CD177: variants seen among roughly 807,000 people sequenced by gnomAD.
CD177 encodes the protein CD177 molecule, also known as CD177 antigen.
CD177 carries 41 observed loss-of-function variants against 38.1 expected under a neutral mutation model. The observed-to-expected ratio is 1.07, with a 90% CI of 0.84 to 1.39. The LOEUF (loss-of-function observed/expected upper bound fraction) is 1.39. Ranked by LOEUF, CD177 falls within the 40% of genes most tolerant of loss-of-function variation. The pLI is 0.00. For missense variants in CD177, 619 were observed against 523.8 expected (o/e 1.18, Z -1.77); for synonymous variants, 236 against 216.7 (o/e 1.09, Z -0.78).
In CD177 at chr19:43,354,278, C is replaced by A. The variant is rs764719692; in HGVS notation, c.265C>A (p.His89Asn). Reference protein sequence around the residue: ...AKDQEPRVTEHRMGPGLSLIS... With the variant: ...AKDQEPRVTENRMGPGLSLIS... ...GGACCAGGAGCCCCGCGTCACTGAG[C>A]ACCGGATGGGCCCCGGCCTCTCCCT... The change falls in exon 3 of 9, where the codon CAC (histidine) becomes AAC (asparagine). Residue 89 changes from histidine (H) to asparagine (N), a missense_variant. Transcript: ENST00000618265. The A allele has an allele frequency of 1.9e-6, 3 of 1,613,960 alleles. No homozygotes were observed. In the South Asian group the frequency reaches 3.3e-5, roughly 18 times the overall value.
chr19:43,365,948 C>T (rs1474703261), downstream of CD177, among the ~76,000 whole-genome samples: 1 of 152,148 alleles, frequency 6.6e-6, no homozygotes, highest in Admixed American at 6.5e-5. Context: ...TTTGGTAGCT[C>T]AGAGAGCACC....
At chr19:43,363,858 T>C (rs1236076714), downstream of CD177, among the ~76,000 whole-genome samples, 1 of 151,876 alleles carries the variant, frequency 6.6e-6, no homozygotes, top group Non-Finnish European at 1.5e-5. Flanking sequence ...GAAGCCGAGG[T>C]GGGAGGATCA....
Position 43,360,732 on chromosome 19 carries a change from A to G in CD177, c.760+327A>G, listed in dbSNP as rs1969950564. On this transcript the variant is annotated intron_variant, in intron 6 of 8. Coordinates refer to ENST00000618265, the MANE Select transcript of CD177 (RefSeq NM_020406.4). Reference sequence around the variant, plus strand: ...ATCCAGCATTTGTTTTAGGTGCCGCAGATCCAATCCCATCTGTATTCCTGC... The same window carrying G: ...ATCCAGCATTTGTTTTAGGTGCCGCGGATCCAATCCCATCTGTATTCCTGC... 6 of 414,470 alleles carry G rather than the reference A, an allele frequency of 1.4e-5. No individual in the cohort carries two copies. In the South Asian group the frequency reaches 2.0e-4, roughly 14 times the overall value. 25.7% of individuals were successfully genotyped at this position (414,470 alleles called of 1,614,324 possible).
rs28481973 is a variant in CD177, at chr19:43,362,980, A to G, written c.*660A>G. On this transcript the variant is annotated 3_prime_UTR_variant, in exon 9 of 9. Transcript: ENST00000618265. ...AACATTGTAGCGTGCACTTACACCA[A>G]CCCAGATGGTACAGCCCAATACACA... 6,630 of 152,220 alleles carry G rather than the reference A, an allele frequency of 0.044. 183 individuals are homozygous for G. Among genetic ancestry groups the G allele is most frequent in the Middle Eastern group, 0.1 (30 of 294 alleles). The allele number at this position is 152,220 out of a possible 1,614,324, so 9.4% of individuals were successfully genotyped here.
chr19:43,353,885 G>A lies in CD177; in HGVS notation c.85G>A (p.Val29Ile), dbSNP rs1568442762. ...VQALLCQFGT[V>I]QHVWKVSDLP... is the part of the protein sequence containing the mutation. Reference sequence around the variant, plus strand: ...GGCGCTGCTCTGCCAGTTTGGGACAGTTCAGCATGTGTGGAAGGTGTCCGA... The same window carrying A: ...GGCGCTGCTCTGCCAGTTTGGGACAATTCAGCATGTGTGGAAGGTGTCCGA... Residue 29 changes from valine (V) to isoleucine (I), a missense_variant, in exon 2 of 9, where the codon GTT (valine) becomes ATT (isoleucine). Physicochemically the swap from Val to Ile is conservative, Grantham distance 29. Coordinates refer to ENST00000618265, the MANE Select transcript of CD177 (RefSeq NM_020406.4). The A allele has an allele frequency of 6.2e-7, 1 of 1,613,770 alleles. No homozygotes were observed. Among genetic ancestry groups the A allele is most frequent in the Admixed American group, 1.7e-5 (1 of 60,000 alleles).
At chr19:43,355,420 T>G in intron 3 of CD177, 2 of 490,582 alleles carry the variant, frequency 4.1e-6, no homozygotes, top group South Asian at 3.1e-5. Flanking sequence ...CCAAGACCAC[T>G]TTCTGTACCC....
At chr19:43,354,108 C>A (rs1019397623) in intron 2 of CD177, 99 bp from the exon 3 acceptor site, 3 of 1,560,032 alleles carry the variant, frequency 1.9e-6, no homozygotes, top group African/African-American at 2.7e-5. Flanking sequence ...CCCGGTGATC[C>A]CCTTTCCAGC....
At position 43,361,345 on chromosome 19, in the gene CD177, C is replaced by T. The variant is rs574608320; in HGVS notation, c.946+17C>T. 1.8e-5 allele frequency: 29 copies of T among 1,580,612 alleles called. No homozygotes were observed. Among genetic ancestry groups the T allele is most frequent in the Admixed American group, 6.7e-5 (4 of 59,540 alleles). On this transcript the variant is annotated intron_variant, in intron 7 of 8. Coordinates refer to ENST00000618265, the MANE Select transcript of CD177 (RefSeq NM_020406.4). ...CTCCTCAAGGTATGGGATCCAGGGC[C>T]GTGGAGAAATGAGGCCCAGACACAC...
At chr19:43,356,165 T>A in intron 5 of CD177, 57 bp downstream of exon 5, 1 of 439,688 alleles carries the variant, frequency 2.3e-6, no homozygotes, top group South Asian at 2.1e-5. Flanking sequence ...CGATGACACA[T>A]GGGGCATCCA....
In CD177 at chr19:43,362,598, A is replaced by C; in HGVS notation, c.*278A>C. 3.3e-6 allele frequency: 1 copy of C among 298,906 alleles called. No homozygotes were observed. Among genetic ancestry groups the C allele is most frequent in the East Asian group, 6.0e-5 (1 of 16,764 alleles). 18.5% of individuals were successfully genotyped at this position (298,906 alleles called of 1,614,324 possible). A position where few individuals can be genotyped will look rare whatever the true frequency, so the allele number is the denominator to read the frequency against. ...TTTCTCCCAGTGCTGGGATTTCTCCATGTGAGGGGGCAGCAGGACACCCAG... is the reference window on the plus strand; with the variant it reads ...TTTCTCCCAGTGCTGGGATTTCTCCCTGTGAGGGGGCAGCAGGACACCCAG... On this transcript the variant is annotated 3_prime_UTR_variant, in exon 9 of 9. Transcript: ENST00000618265.
At position 43,354,412 on chromosome 19, in the gene CD177, G is replaced by C. The variant is rs1969892694; in HGVS notation, c.379+20G>C. The C allele has an allele frequency of 6.2e-7, 1 of 1,612,666 alleles. No individual in the cohort carries two copies. The highest frequency in any genetic ancestry group is 1.7e-5 in the Admixed American group (1 of 59,996). On this transcript the variant is annotated intron_variant, in intron 3 of 8. Transcript: ENST00000618265. ...CAGCAGGTGCCTGCGGGAGGGTCGG[G>C]AGGAGAGGGAGGGGCTGCTAGAAGG...
Position 43,354,214 on chromosome 19 carries a change from A to C in CD177, c.201A>C (p.Gln67His). Residue 67 changes from glutamine (Q) to histidine (H), a missense_variant, in exon 3 of 9, where the codon CAA (glutamine) becomes CAC (histidine). By Grantham distance (24) the Gln-to-His change is conservative (BLOSUM62 0). Transcript: ENST00000618265. ...CTCCCTCTTTCGGTCCAGGACCCCA[A>C]GTGAGCCTGGTGCTCTCCAAGGGCT... ...DTLMLIESGP[Q>H]VSLVLSKGCT... 1 of 1,612,768 alleles carries C rather than the reference A, an allele frequency of 6.2e-7. No individual in the cohort carries two copies. Among genetic ancestry groups the C allele is most frequent in the Non-Finnish European group, 8.5e-7 (1 of 1,179,496 alleles).
At position 43,353,807 on chromosome 19, in the gene CD177, C is replaced by T. The variant is rs746280393; in HGVS notation, c.52+41C>T. 24 of 1,613,852 alleles carry T rather than the reference C, an allele frequency of 1.5e-5. No homozygotes were observed. In the East Asian group the frequency reaches 2.9e-4, roughly 19 times the overall value. On this transcript the variant is annotated intron_variant, in intron 1 of 8. Coordinates refer to ENST00000618265, the MANE Select transcript of CD177 (RefSeq NM_020406.4). ...AGCCTGGAGGAGATTCCCTGGAGGC[C>T]GGGCAAGGGAACCCTGCTGAGATGG...
chr19:43,363,790 T>G (rs1441095591), downstream of CD177, among the ~76,000 whole-genome samples: 4 of 151,904 alleles, frequency 2.6e-5, no homozygotes, highest in Non-Finnish European at 4.4e-5. Flanking sequence ...TTTGTCCAAA[T>G]GAAAATCAAA....
intron 3 of CD177, among the ~76,000 whole-genome samples, chr19:43,354,737 G>C (rs977014248): frequency 6.6e-6 from 1 of 152,028 alleles, no homozygotes; most frequent in African/African-American, 2.4e-5. Context: ...TCTCCTGCAG[G>C]GTTTTTGCTA....
chr19:43,363,533 G>T (rs2122258336), downstream of CD177, among the ~76,000 whole-genome samples: 1 of 152,326 alleles, frequency 6.6e-6, no homozygotes, highest in Middle Eastern at 3.4e-3. Flanking sequence ...ACTGGGGAGG[G>T]AAGTGGGGAA....
intron 3 of CD177, 82 bp downstream of exon 3, chr19:43,354,474 C>T (rs1568443319): frequency 6.9e-7 from 1 of 1,450,040 alleles, no homozygotes; most frequent in East Asian, 2.3e-5. Flanking sequence ...TACGGAGTCC[C>T]TCCCACCCTC....
rs375605685 is a variant in CD177 at position 43,362,257 on chromosome 19, T to C, written c.1251T>C (p.Thr417=). ...GGGAEGLESL[T]WGVGLALAPA... ...GGGCTGAGGGCCTGGAGTCTCTCAC[T>C]TGGGGGGTGGGGCTGGCACTGGCCC... The change falls in exon 9 of 9, where the codon ACT becomes ACC. Residue 417 remains threonine, a synonymous_variant. Coordinates refer to ENST00000618265, the MANE Select transcript of CD177 (RefSeq NM_020406.4). 7 of 1,609,094 alleles carry C rather than the reference T, an allele frequency of 4.4e-6. No individual in the cohort carries two copies. The highest frequency in any genetic ancestry group is 3.3e-5 in the South Asian group (3 of 90,974).
chr19:43,354,648 C>G (rs958707689), intron 3 of CD177: 1 of 592,530 alleles, frequency 1.7e-6, no homozygotes, highest in Middle Eastern at 4.5e-4. Context: ...GCAAACAGGA[C>G]GGATTTCTGA....
Sources: allele counts gnomAD v4.1 joint callset (sites outside exome capture counted in the v4.1 genomes callset), GRCh38; gene constraint gnomAD v4.1.1; transcripts MANE v1.5; gene names NCBI Gene and HGNC (gene_info 2026-07-23, HGNC 2026-07-21).